Variants in HELZ observed in about 807,000 individuals in gnomAD.
HELZ encodes the protein ATP-dependent RNA helicase with zinc finger domain.
HELZ carries 23 observed loss-of-function variants against 218.2 expected under a neutral mutation model. The ratio of observed to expected loss-of-function variants is 0.11; its 90% confidence interval spans 0.08 to 0.15. The LOEUF is 0.15. HELZ is among the 10% of genes least tolerant of loss of function. The pLI is 1.00. For synonymous variants in HELZ, 814 were observed against 829.4 expected, an observed-to-expected ratio of 0.98 and a Z score of 0.32; for missense variants, 1,813 against 2,353.7, an observed-to-expected ratio of 0.77 and a Z score of 4.75.
At chr17:67,119,060 T>G (rs377093242) in intron 27 of HELZ, among the ~76,000 whole-genome samples, 1 of 152,138 alleles carries the variant, frequency 6.6e-6, no homozygotes, top group Non-Finnish European at 1.5e-5. Flanking sequence ...ACATTACTAG[T>G]AGAAATGAAA....
intron 13 of HELZ, chr17:67,173,042 G>GT (rs1415381471): frequency 1.0e-6 from 1 of 982,484 alleles, no homozygotes; most frequent in Non-Finnish European, 1.2e-6. Context: ...GACATTGGTT[G>GT]TGTCTTGCAA....
At chr17:67,115,066 ATTCT>A (rs2037389149) in intron 27 of HELZ, among the ~76,000 whole-genome samples, 1 of 152,174 alleles carries the variant, frequency 6.6e-6, no homozygotes, top group African/African-American at 2.4e-5. Context: ...GTTCCAAAAC[ATTCT>A]TTTTGGAATT....
intron 3 of HELZ, among the ~76,000 whole-genome samples, chr17:67,222,360 A>G (rs2040769522): frequency 6.6e-6 from 1 of 152,254 alleles, no homozygotes; most frequent in African/African-American, 2.4e-5. Flanking sequence ...TCTGGCTATG[A>G]GGGATGATCA....
At chr17:67,229,993 G>T (rs771780962) in intron 3 of HELZ, among the ~76,000 whole-genome samples, 7 of 152,130 alleles carry the variant, frequency 4.6e-5, no homozygotes, top group Non-Finnish European at 8.8e-5. Flanking sequence ...AGAATAAGTG[G>T]AATTTAGTAG....
intron 5 of HELZ, among the ~76,000 whole-genome samples, chr17:67,204,921 T>C (rs1473126941): frequency 1.3e-5 from 2 of 152,186 alleles, no homozygotes; most frequent in Non-Finnish European, 2.9e-5. Flanking sequence ...TTCCTAAAAC[T>C]CTTCAAATCT....
chr17:67,084,054 G>GT (rs1210949307), intron 32 of HELZ, among the ~76,000 whole-genome samples: 1 of 152,142 alleles, frequency 6.6e-6, no homozygotes, highest in African/African-American at 2.4e-5. Context: ...TCTAACTTCA[G>GT]TAAGAAGTCT....
intron 32 of HELZ, among the ~76,000 whole-genome samples, chr17:67,085,026 C>G (rs737983): frequency 0.61 from 92,403 of 151,754 alleles, 28,628 homozygotes; most frequent in East Asian, 0.88. Context: ...GGAATCGCTT[C>G]AGCCCGGATG....
intron 3 of HELZ, among the ~76,000 whole-genome samples, chr17:67,220,860 CAA>C (rs550456428): frequency 3.0e-5 from 4 of 132,104 alleles, no homozygotes; most frequent in African/African-American, 1.2e-4. Context: ...CCCCCCCCCC[CAA>C]AAAAAAAGAG....
intron 31 of HELZ, among the ~76,000 whole-genome samples, chr17:67,097,373 C>A (rs2036781587): frequency 6.6e-6 from 1 of 152,120 alleles, no homozygotes; most frequent in Non-Finnish European, 1.5e-5. Context: ...ACTATAATAT[C>A]TGTGAAATGC....
At chr17:67,208,230 A>ACAAAAAAAGAAGTTTTT (rs1316239013) in intron 5 of HELZ, among the ~76,000 whole-genome samples, 1 of 152,174 alleles carries the variant, frequency 6.6e-6, no homozygotes, top group East Asian at 1.9e-4. Flanking sequence ...GAAAGAAACA[A>ACAAAAAAAGAAGTTTTT]CAAAAAAAGA....
intron 27 of HELZ, among the ~76,000 whole-genome samples, chr17:67,119,834 T>C (rs2037543489): frequency 6.6e-6 from 1 of 151,912 alleles, no homozygotes; most frequent in Non-Finnish European, 1.5e-5. Flanking sequence ...AATATTCAAA[T>C]TTAATATTTT....
At chr17:67,098,036 C>A (rs1014093486) in intron 31 of HELZ, among the ~76,000 whole-genome samples, 1 of 152,126 alleles carries the variant, frequency 6.6e-6, no homozygotes, top group African/African-American at 2.4e-5. Context: ...CTAAAATGAA[C>A]TAGCTCCCTT....
At chr17:67,222,245 C>T (rs572720080) in intron 3 of HELZ, among the ~76,000 whole-genome samples, 1 of 152,244 alleles carries the variant, frequency 6.6e-6, no homozygotes, top group South Asian at 2.1e-4. Flanking sequence ...AGGATTTTCA[C>T]CTATTTTCTC....
intron 1 of HELZ, 88 bp downstream of exon 1, chr17:67,245,060 C>G (rs1349914405): frequency 2.0e-6 from 2 of 984,584 alleles, no homozygotes; most frequent in Non-Finnish European, 2.4e-6. Flanking sequence ...GTCCGGGACA[C>G]CGGAGGGGAG....
rs201118065 is a variant in HELZ, at chr17:67,151,200, T to C, written c.2202A>G (p.Val734=). The change falls in exon 18 of 33, where the codon GTA becomes GTG. Residue 734 remains valine (V), a synonymous_variant. Transcript: ENST00000358691. ...GATGCACAACTGGGTGGACAGTCTT[T>C]ACCCAGCGATTTCTGAAATATACCC... The part of the protein sequence containing the change: ...PLRVYFRNRW[V]KTVHPVVHQY... The C allele has an allele frequency of 1.3e-5, 21 of 1,610,842 alleles. No individual in the cohort carries two copies. Among genetic ancestry groups the C allele is most frequent in the Non-Finnish European group, 1.7e-5 (20 of 1,178,334 alleles).
rs759284525 is a variant in HELZ at position 67,122,955 on chromosome 17, C to G, written c.3630+15G>C. 1.9e-6 allele frequency: 3 copies of G among 1,559,480 alleles called. No homozygotes were observed. The African/African-American group carries it at 4.1e-5, about 21-fold the overall frequency. On this transcript the variant is annotated intron_variant, in intron 26 of 32. Coordinates refer to ENST00000358691, the MANE Select transcript of HELZ (RefSeq NM_014877.4). ...TTACTTGATTCAATAGAAAGTATTT[C>G]GAATGTCCACTTACAGGTAAAGGCA...
rs748668411 is a variant in HELZ, at chr17:67,108,622, A to G, written c.4594T>C (p.Tyr1532His). 2.5e-6 allele frequency: 4 copies of G among 1,614,076 alleles called. No homozygotes were observed. Among genetic ancestry groups the G allele is most frequent in the Non-Finnish European group, 3.4e-6 (4 of 1,179,980 alleles). Residue 1532 changes from tyrosine (Y) to histidine (H), a missense_variant, in exon 30 of 33, where the codon TAC becomes CAC. This residue lies in a region of HELZ where 938 missense variants were observed against 1,027.5 expected (regional missense o/e 0.91). Coordinates refer to ENST00000358691, the MANE Select transcript of HELZ (RefSeq NM_014877.4). The surrounding 1 kb of genome is among the most constrained non-coding windows in gnomAD (Gnocchi z 4.1). The stretch of plus-strand genomic sequence containing the variant: ...AGGTGAGGATGGTGATGGTGTGGGT[A>G]TGGAGCGCTGCCCTGACTGAGAAAG... Reference protein sequence around the residue: ...HAFLSQGSAPYPHHHHPHLQH... With the variant: ...HAFLSQGSAPHPHHHHPHLQH...
intron 3 of HELZ, among the ~76,000 whole-genome samples, chr17:67,221,117 C>G (rs2040734196): frequency 6.6e-6 from 1 of 152,158 alleles, no homozygotes; most frequent in Admixed American, 6.5e-5. Flanking sequence ...TACAAAATTA[C>G]TAACTCATGA....
At chr17:67,208,693 G>C (rs984283936) in intron 5 of HELZ, among the ~76,000 whole-genome samples, 7 of 152,062 alleles carry the variant, frequency 4.6e-5, no homozygotes, top group African/African-American at 1.7e-4. Context: ...AAGGTAGGAG[G>C]ATTGCTTGAA....
Sources: allele counts gnomAD v4.1 joint callset (sites outside exome capture counted in the v4.1 genomes callset), GRCh38; gene constraint gnomAD v4.1.1; regional missense constraint gnomAD v4.1.1; non-coding constraint Gnocchi (gnomAD v3.1); transcripts MANE v1.5; gene names NCBI Gene and HGNC (gene_info 2026-07-23, HGNC 2026-07-21).